Variants in USP32 observed in about 807,000 individuals in gnomAD.
USP32 encodes the protein ubiquitin specific peptidase 32, also known as ubiquitin carboxyl-terminal hydrolase 32.
In USP32, 59 loss-of-function variants were observed where a neutral mutation model predicts 204.8. The observed-to-expected ratio is 0.29, with a 90% CI of 0.23 to 0.36. The LOEUF is 0.36. USP32 is among the 10% of genes least tolerant of loss of function. The pLI is 1.00. For missense variants in USP32, 1,160 were observed against 1,946.4 expected (o/e 0.60, Z 7.60); for synonymous variants, 517 against 678.4 (o/e 0.76, Z 3.70).
chr17:60,263,883 GTTCT>G (rs2086517185), intron 9 of USP32, among the ~76,000 whole-genome samples: 1 of 152,078 alleles, frequency 6.6e-6, no homozygotes. Flanking sequence ...AAAAACTGAC[GTTCT>G]TTATTTATTC....
Position 60,336,516 on chromosome 17 carries a change from C to G in USP32, c.186+8965G>C, listed in dbSNP as rs867662397. Among the ~76,000 whole-genome samples the G allele has an allele frequency of 2.3e-3, 316 of 138,140 alleles. 74 individuals are homozygous for G. The highest frequency in any genetic ancestry group is 0.01 in the African/African-American group (305 of 30,444). The allele number at this position is 138,140 out of a possible 152,430, so 90.6% of individuals were successfully genotyped here. A position where few individuals can be genotyped will look rare whatever the true frequency, so the allele number is the denominator to read the frequency against. On this transcript the variant is annotated intron_variant, in intron 2 of 33. Transcript: ENST00000300896. ...GGATCACGAGGTCAAGAGATCGAGA[C>G]CATCCCGGCTAAAACGGTGAAACCC...
chr17:60,421,692 C>A, intron 1 of USP32: 1 of 825,042 alleles, frequency 1.2e-6, no homozygotes, highest in African/African-American at 1.8e-5. Context: ...CCGGGGCCTC[C>A]TGAGCACCTC....
intron 26 of USP32, among the ~76,000 whole-genome samples, chr17:60,202,364 CAT>C (rs1002800284): frequency 6.6e-6 from 1 of 152,012 alleles, no homozygotes; most frequent in Admixed American, 6.6e-5. Flanking sequence ...ATGATATCCT[CAT>C]ATCTTACTCT....
At chr17:60,283,161 G>T (rs888356718) in intron 5 of USP32, among the ~76,000 whole-genome samples, 1 of 152,218 alleles carries the variant, frequency 6.6e-6, no homozygotes, top group Non-Finnish European at 1.5e-5. Flanking sequence ...AGGGCTGAAA[G>T]ATGAAGTACA....
chr17:60,409,475 A>T (rs1429999502), intron 1 of USP32, among the ~76,000 whole-genome samples: 1 of 152,256 alleles, frequency 6.6e-6, no homozygotes, highest in Non-Finnish European at 1.5e-5. Context: ...GGCTTACCCC[A>T]GAGCAAGCAA....
rs200141950 is a variant in USP32 at position 60,266,687 on chromosome 17, A to C, written c.812-596T>G. 4.5e-5 allele frequency among the ~76,000 whole-genome samples: 5 copies of C among 110,492 alleles called. No individual in the cohort carries two copies. In the East Asian group the frequency reaches 1.1e-3, roughly 23 times the overall value. The allele number at this position is 110,492 out of a possible 152,430, so 72.5% of individuals were successfully genotyped here. A position where few individuals can be genotyped will look rare whatever the true frequency, so the allele number is the denominator to read the frequency against. On this transcript the variant is annotated intron_variant, in intron 7 of 33. Transcript: ENST00000300896. ...TTTTTTTTTTTTGAGATGGAGTCTC[A>C]CTCTGTCGCCCAGGCTGTGGTGCAG...
intron 1 of USP32, among the ~76,000 whole-genome samples, chr17:60,363,305 A>C (rs2089247271): frequency 6.6e-6 from 1 of 151,706 alleles, no homozygotes. Context: ...AATACAAAAA[A>C]TTAGCTGGGC....
intron 3 of USP32, among the ~76,000 whole-genome samples, chr17:60,300,804 A>G (rs1019671638): frequency 6.6e-6 from 1 of 152,206 alleles, no homozygotes; most frequent in African/African-American, 2.4e-5. Context: ...CATTTTCGCC[A>G]ACCCAAAAGG....
chr17:60,313,988 G>T (rs73318895), intron 2 of USP32, among the ~76,000 whole-genome samples: 6,722 of 151,088 alleles, frequency 0.044, 526 homozygotes, highest in African/African-American at 0.15. Context: ...TGGTATACAA[G>T]AAGTTTAAAA....
At chr17:60,253,262 TAA>T (rs1477490220) in intron 10 of USP32, among the ~76,000 whole-genome samples, 5 of 152,128 alleles carry the variant, frequency 3.3e-5, no homozygotes, top group Admixed American at 3.3e-4. Flanking sequence ...GATTATGAGA[TAA>T]AGAGTACACT....
At chr17:60,181,868 C>T in intron 31 of USP32, 120 bp from the exon 32 acceptor site, 27 of 1,426,402 alleles carry the variant, frequency 1.9e-5, no homozygotes, top group Non-Finnish European at 2.5e-5. Flanking sequence ...ACAGGGCAGT[C>T]GTGACTGGCT....
intron 4 of USP32, among the ~76,000 whole-genome samples, chr17:60,291,967 C>T (rs1289676440): frequency 6.6e-6 from 1 of 151,552 alleles, no homozygotes. Flanking sequence ...CTTATGAGTA[C>T]ATTTCATCTA....
At chr17:60,280,928 G>A (rs1351231055) in intron 5 of USP32, among the ~76,000 whole-genome samples, 1 of 152,210 alleles carries the variant, frequency 6.6e-6, no homozygotes, top group Non-Finnish European at 1.5e-5. Flanking sequence ...TTCTGACTTT[G>A]TGATAATGCT....
At chr17:60,337,646 G>A (rs1234223653) in intron 2 of USP32, among the ~76,000 whole-genome samples, 3 of 152,182 alleles carry the variant, frequency 2.0e-5, no homozygotes, top group Non-Finnish European at 4.4e-5. Flanking sequence ...GGAGGCTGAT[G>A]AGGGAGGACT....
intron 11 of USP32, chr17:60,249,841 A>G: frequency 1.5e-6 from 1 of 657,420 alleles, no homozygotes; most frequent in Non-Finnish European, 2.7e-6. Context: ...CCATTCCAGA[A>G]ATCACGATAC....
intron 1 of USP32, among the ~76,000 whole-genome samples, chr17:60,382,117 T>C: frequency 6.6e-6 from 1 of 152,248 alleles, no homozygotes; most frequent in South Asian, 2.1e-4. Context: ...GCTGGCATAG[T>C]GAGATAAGCT....
At chr17:60,185,868 C>A in intron 29 of USP32, 1 of 476,496 alleles carries the variant, frequency 2.1e-6, no homozygotes, top group Non-Finnish European at 3.7e-6. Flanking sequence ...TCGAAACCAG[C>A]CTGGTCAAAA....
At chr17:60,313,044 A>T (rs2145921909) in intron 2 of USP32, among the ~76,000 whole-genome samples, 1 of 152,228 alleles carries the variant, frequency 6.6e-6, no homozygotes, top group Non-Finnish European at 1.5e-5. Context: ...TGAGGTCAGG[A>T]GTTTGAAACC....
chr17:60,210,308 C>T (rs954511350), intron 21 of USP32, among the ~76,000 whole-genome samples: 39 of 151,578 alleles, frequency 2.6e-4, no homozygotes, highest in Non-Finnish European at 5.6e-4. Flanking sequence ...ATTCATCCTT[C>T]TACTTTTTTT....
Sources: gnomAD v4.1 joint callset for allele counts (sites outside exome capture counted in the v4.1 genomes callset) on GRCh38, gnomAD v4.1.1 for gene constraint, MANE v1.5 for transcripts, NCBI Gene and HGNC (gene_info 2026-07-23, HGNC 2026-07-21) for gene names.